Variants in SMAD5 observed in about 807,000 individuals in gnomAD.
The protein encoded by SMAD5 is MAD, mothers against decapentaplegic homolog 5.
In SMAD5, 9 loss-of-function variants were observed where a neutral mutation model predicts 43.1. The observed-to-expected ratio is 0.21, with a 90% CI of 0.13 to 0.36. The LOEUF is 0.36. Among genes scored for constraint, SMAD5 ranks in the 10% least tolerant of loss-of-function variants. The pLI is 1.00. For missense variants in SMAD5, 348 were observed against 574.0 expected, an observed-to-expected ratio of 0.61 and a Z score of 4.02; for synonymous variants, 190 against 192.4, an observed-to-expected ratio of 0.99 and a Z score of 0.10.
rs768589311 is a variant in SMAD5, at chr5:136,154,108, T to G, written c.348T>G (p.Ser116=). 1.9e-6 allele frequency: 3 copies of G among 1,589,594 alleles called. No individual in the cohort carries two copies. The highest frequency in any genetic ancestry group is 3.3e-4 in the Middle Eastern group (2 of 6,022). ...ATATTTGTGAATTTCCTTTTGGATC[T>G]AAGCAAAAAGAAGTTTGTATCAACC... ...PLDICEFPFG[S]KQKEVCINPY... The change falls in exon 3 of 8, where the codon TCT becomes TCG. Residue 116 remains serine, a synonymous_variant. Transcript: ENST00000545279.
intron 3 of SMAD5, among the ~76,000 whole-genome samples, chr5:136,158,647 C>G (rs756370158): frequency 3.0e-4 from 46 of 152,108 alleles, no homozygotes; most frequent in Non-Finnish European, 2.9e-5. Context: ...CGCCTGTAAT[C>G]CCAGCACTTT....
At chr5:136,142,820 A>G (rs543402064) in intron 1 of SMAD5, among the ~76,000 whole-genome samples, 1 of 152,156 alleles carries the variant, frequency 6.6e-6, no homozygotes, top group Admixed American at 6.6e-5. Flanking sequence ...ATATAGGATA[A>G]AACTAAGTGA....
At chr5:136,160,319 G>A (rs1018349193) in intron 3 of SMAD5, among the ~76,000 whole-genome samples, 1 of 152,074 alleles carries the variant, frequency 6.6e-6, no homozygotes, top group African/African-American at 2.4e-5. Flanking sequence ...AGTTTTTAGG[G>A]CATTCACATA....
chr5:136,155,983 A>G (rs914535235), intron 3 of SMAD5, among the ~76,000 whole-genome samples: 1 of 152,154 alleles, frequency 6.6e-6, no homozygotes, highest in African/African-American at 2.4e-5. Context: ...GCTTAGCACA[A>G]TGCATGTTTA....
At position 136,177,579 on chromosome 5, in the gene SMAD5, T is replaced by C. The variant is rs551398112; in HGVS notation, c.*99T>C. 1.8e-5 allele frequency: 15 copies of C among 847,698 alleles called. No individual in the cohort carries two copies. In the South Asian group the frequency reaches 2.0e-4, roughly 12 times the overall value. 52.5% of individuals were successfully genotyped at this position (847,698 alleles called of 1,614,324 possible). ...TGTGAGCTTACATTGAAAACAGATA[T>C]TACAGCTTATTTTTTTCTACATAAT... On this transcript the variant is annotated 3_prime_UTR_variant, in exon 8 of 8. Transcript: ENST00000545279.
At chr5:136,143,427 G>A (rs1389741321) in intron 1 of SMAD5, among the ~76,000 whole-genome samples, 2 of 151,864 alleles carry the variant, frequency 1.3e-5, no homozygotes, top group South Asian at 2.1e-4. Flanking sequence ...CATGTCTTTC[G>A]GCTTAGATAG....
chr5:136,148,407 T>C (rs1232488226), intron 2 of SMAD5, among the ~76,000 whole-genome samples: 1 of 151,758 alleles, frequency 6.6e-6, no homozygotes, highest in Non-Finnish European at 1.5e-5. Flanking sequence ...TTCCCTGAGC[T>C]CAGTATTCCT....
intron 1 of SMAD5, among the ~76,000 whole-genome samples, chr5:136,137,277 C>CCCCG (rs1202723253): frequency 2.0e-5 from 3 of 149,756 alleles, no homozygotes; most frequent in Non-Finnish European, 4.4e-5. Context: ...GGGACCCCCC[C>CCCCG]CCGCATCTCT....
At chr5:136,135,038 G>C (rs1752827410) in intron 1 of SMAD5, 1 of 152,188 alleles carries the variant, frequency 6.6e-6, no homozygotes, top group Admixed American at 6.5e-5. Flanking sequence ...CGTAGGTTCT[G>C]TACAGATCTG....
At chr5:136,141,101 A>C (rs1404306240) in intron 1 of SMAD5, among the ~76,000 whole-genome samples, 1 of 152,122 alleles carries the variant, frequency 6.6e-6, no homozygotes, top group Non-Finnish European at 1.5e-5. Context: ...CTGGGATGAG[A>C]GCTAAAGCTG....
chr5:136,154,203 C>CA, intron 3 of SMAD5, 40 bp downstream of exon 3: 2 of 1,285,828 alleles, frequency 1.6e-6, no homozygotes, highest in Non-Finnish European at 2.1e-6. Context: ...AAAACAAAAA[C>CA]AAAAAACCTC....
chr5:136,170,439 CTGTT>C (rs1168797994), intron 5 of SMAD5, among the ~76,000 whole-genome samples: 2 of 151,932 alleles, frequency 1.3e-5, no homozygotes, highest in Non-Finnish European at 2.9e-5. Context: ...CTCCTTTGAT[CTGTT>C]TGTCTGTTCT....
chr5:136,151,770 A>G (rs1753474784), intron 2 of SMAD5, among the ~76,000 whole-genome samples: 1 of 152,046 alleles, frequency 6.6e-6, no homozygotes, highest in Non-Finnish European at 1.5e-5. Context: ...TATCTAGCCT[A>G]GGAAATGCTA....
chr5:136,145,808 T>A (rs955585117), intron 1 of SMAD5, among the ~76,000 whole-genome samples: 2 of 151,952 alleles, frequency 1.3e-5, no homozygotes, highest in African/African-American at 4.8e-5. Context: ...AAGTGTTAGA[T>A]CCAGAATTTG....
At chr5:136,147,505 T>C (rs977538080) in intron 1 of SMAD5, 1 of 151,844 alleles carries the variant, frequency 6.6e-6, no homozygotes, top group Non-Finnish European at 1.5e-5. Context: ...GGTTTCTTTC[T>C]AGGAGGCAGT....
At chr5:136,144,059 T>C (rs1183611165) in intron 1 of SMAD5, among the ~76,000 whole-genome samples, 1 of 152,098 alleles carries the variant, frequency 6.6e-6, no homozygotes, top group Non-Finnish European at 1.5e-5. Context: ...GGGTTCATTA[T>C]CTGAGTCTGA....
intron 5 of SMAD5, among the ~76,000 whole-genome samples, chr5:136,164,593 A>T (rs1753932839): frequency 6.6e-6 from 1 of 152,108 alleles, no homozygotes. Flanking sequence ...AGTTGTAAGA[A>T]TTTTTTGTAT....
intron 5 of SMAD5, among the ~76,000 whole-genome samples, chr5:136,167,056 C>G (rs1287317498): frequency 6.6e-6 from 1 of 152,178 alleles, no homozygotes; most frequent in Non-Finnish European, 1.5e-5. Context: ...AGTTAAACGG[C>G]AGTGCCTGGA....
At chr5:136,167,084 A>G (rs75632026) in intron 5 of SMAD5, among the ~76,000 whole-genome samples, 4,603 of 152,304 alleles carry the variant, frequency 0.03, 98 homozygotes, top group African/African-American at 0.058. Flanking sequence ...GTTAGCAACA[A>G]TACGTCTTCT....
Sources: gnomAD v4.1 joint callset for allele counts (sites outside exome capture counted in the v4.1 genomes callset) on GRCh38, gnomAD v4.1.1 for gene constraint, MANE v1.5 for transcripts, NCBI Gene and HGNC (gene_info 2026-07-23, HGNC 2026-07-21) for gene names.